Variants in TTC28 observed in about 807,000 individuals in gnomAD.
TTC28 encodes tetratricopeptide repeat protein 28.
Under a neutral mutation model 198.0 loss-of-function variants are expected in TTC28, and 61 were observed. That is an observed-to-expected ratio of 0.31 (90% confidence interval 0.25 to 0.38). The LOEUF (loss-of-function observed/expected upper bound fraction) is 0.38, where lower values mean the gene tolerates loss of function less well. Ranked by LOEUF, TTC28 falls within the 10% of genes least tolerant of loss-of-function variation. The pLI is 1.00. For synonymous variants in TTC28, 1,171 were observed against 1,297.8 expected, an observed-to-expected ratio of 0.90 and a Z score of 2.10; for missense variants, 2,678 against 3,164.0, an observed-to-expected ratio of 0.85 and a Z score of 3.69.
intron 5 of TTC28, among the ~76,000 whole-genome samples, chr22:28,172,081 A>T (rs889286716): frequency 2.8e-4 from 42 of 152,064 alleles, no homozygotes; most frequent in Non-Finnish European, 5.0e-4. Context: ...CTTCTCCACC[A>T]CCTGGCTAGG....
intron 12 of TTC28, among the ~76,000 whole-genome samples, chr22:28,082,022 G>A (rs1411373198): frequency 1.3e-5 from 2 of 152,136 alleles, no homozygotes; most frequent in Non-Finnish European, 1.5e-5. Flanking sequence ...GCTTTGGTAA[G>A]TGGGATTGTT....
intron 2 of TTC28, among the ~76,000 whole-genome samples, chr22:28,609,598 C>A (rs1253399290): frequency 6.6e-6 from 1 of 152,194 alleles, no homozygotes; most frequent in Non-Finnish European, 1.5e-5. Context: ...AGATTCCTTC[C>A]GATGCCTATG....
Position 28,537,303 on chromosome 22 carries a change from T to TACTAAAACAAAACAAAACAAAACAAAAC in TTC28, c.381+92248_381+92249insGTTTTGTTTTGTTTTGTTTTGTTTTAGT, listed in dbSNP as rs779564628. ...GCCAGACTCCGTCTCAAAAATAAAA[T>TACTAAAACAAAACAAAACAAAACAAAAC]AAAATAAAATAAAATAAAATAAAAT... On this transcript the variant is annotated intron_variant, in intron 2 of 22. Coordinates refer to ENST00000397906, the MANE Select transcript of TTC28 (RefSeq NM_001145418.2). Among the ~76,000 whole-genome samples the TACTAAAACAAAACAAAACAAAACAAAAC allele has an allele frequency of 4.5e-3, 548 of 120,702 alleles. 16 individuals are homozygous for TACTAAAACAAAACAAAACAAAACAAAAC. Among genetic ancestry groups the TACTAAAACAAAACAAAACAAAACAAAAC allele is most frequent in the Non-Finnish European group, 7.8e-3 (403 of 51,804 alleles). 79.2% of individuals were successfully genotyped at this position (120,702 alleles called of 152,430 possible).
intron 2 of TTC28, among the ~76,000 whole-genome samples, chr22:28,612,660 G>T (rs937596431): frequency 6.6e-6 from 1 of 152,066 alleles, no homozygotes; most frequent in Non-Finnish European, 1.5e-5. Context: ...AATCAAATTA[G>T]AACTCAGGAT....
intron 2 of TTC28, among the ~76,000 whole-genome samples, chr22:28,586,827 A>C (rs1445527166): frequency 6.6e-6 from 1 of 152,230 alleles, no homozygotes; most frequent in East Asian, 1.9e-4. Flanking sequence ...AATTCTTTGG[A>C]TATCTATACA....
chr22:28,151,992 G>A (rs1943619570), intron 6 of TTC28, among the ~76,000 whole-genome samples: 2 of 152,040 alleles, frequency 1.3e-5, no homozygotes, highest in African/African-American at 4.8e-5. Context: ...AAATGTGTGG[G>A]GCTCAGAGGG....
At chr22:28,562,713 A>C (rs1347699684) in intron 2 of TTC28, among the ~76,000 whole-genome samples, 1 of 152,230 alleles carries the variant, frequency 6.6e-6, no homozygotes, top group Non-Finnish European at 1.5e-5. Context: ...AACAATAGCT[A>C]AACAACCAGC....
At chr22:28,423,207 T>C (rs992775050) in intron 2 of TTC28, among the ~76,000 whole-genome samples, 4 of 152,022 alleles carry the variant, frequency 2.6e-5, no homozygotes, top group Non-Finnish European at 5.9e-5. Context: ...CTAACCAACA[T>C]GGTGAAACCC....
At chr22:28,636,338 G>C (rs1050398081) in intron 1 of TTC28, among the ~76,000 whole-genome samples, 1 of 151,890 alleles carries the variant, frequency 6.6e-6, no homozygotes, top group African/African-American at 2.4e-5. Context: ...TGTTAGCCAG[G>C]ATGGTCTCGA....
At chr22:28,222,159 C>G (rs1388689556) in intron 5 of TTC28, among the ~76,000 whole-genome samples, 1 of 152,210 alleles carries the variant, frequency 6.6e-6, no homozygotes, top group African/African-American at 2.4e-5. Flanking sequence ...ATTGATGCAG[C>G]TGAAGCCTGA....
chr22:28,339,480 C>T (rs558165423), intron 2 of TTC28, among the ~76,000 whole-genome samples: 1 of 152,198 alleles, frequency 6.6e-6, no homozygotes, highest in African/African-American at 2.4e-5. Flanking sequence ...CTATGCCCTG[C>T]CCCCAGAGGT....
chr22:28,304,211 G>C (rs949729758), intron 3 of TTC28, among the ~76,000 whole-genome samples: 1 of 151,954 alleles, frequency 6.6e-6, no homozygotes, highest in Non-Finnish European at 1.5e-5. Context: ...CGTGAACCCG[G>C]GAGGCGGAGC....
At chr22:28,402,253 C>T (rs955747768) in intron 2 of TTC28, among the ~76,000 whole-genome samples, 2 of 152,126 alleles carry the variant, frequency 1.3e-5, no homozygotes, top group Admixed American at 6.5e-5. Flanking sequence ...ATGGATGACA[C>T]GGAAAAACAA....
chr22:28,441,417 G>T (rs1198844516), intron 2 of TTC28, among the ~76,000 whole-genome samples: 1 of 151,984 alleles, frequency 6.6e-6, no homozygotes, highest in Non-Finnish European at 1.5e-5. Flanking sequence ...GGTTGGAGGT[G>T]GGGGTGGGGA....
chr22:28,132,169 T>C (rs906847287), intron 6 of TTC28, among the ~76,000 whole-genome samples: 5 of 152,340 alleles, frequency 3.3e-5, no homozygotes, highest in Admixed American at 3.3e-4. Context: ...AGTTGAGATC[T>C]TGGAGTCTAA....
At position 27,999,377 on chromosome 22, in the gene TTC28, T is replaced by TG. The variant is rs1937614314; in HGVS notation, c.4399-118dup. On this transcript the variant is annotated intron_variant, in intron 15 of 22. Coordinates refer to ENST00000397906, the MANE Select transcript of TTC28 (RefSeq NM_001145418.2). Reference sequence around the variant, plus strand: ...TCTGCTGGTTGAGCTTGAATCCACCTGTTTCCCCAGTCACCACATTCACTC... The same window carrying TG: ...TCTGCTGGTTGAGCTTGAATCCACCTGGTTTCCCCAGTCACCACATTCACTC... The TG allele has an allele frequency of 2.2e-6, 3 of 1,389,682 alleles. No homozygotes were observed. In the South Asian group the frequency reaches 4.5e-5, roughly 21 times the overall value. The allele number at this position is 1,389,682 out of a possible 1,614,324, so 86.1% of individuals were successfully genotyped here.
chr22:28,190,667 G>C (rs1334530744), intron 5 of TTC28, among the ~76,000 whole-genome samples: 3 of 152,156 alleles, frequency 2.0e-5, no homozygotes, highest in Non-Finnish European at 2.9e-5. Flanking sequence ...TGACAACTCT[G>C]ACCCATATTC....
intron 5 of TTC28, among the ~76,000 whole-genome samples, chr22:28,265,214 T>G (rs1000445468): frequency 1.3e-5 from 2 of 152,198 alleles, no homozygotes; most frequent in African/African-American, 2.4e-5. Context: ...ACTATAAGAC[T>G]GATGTACTGC....
intron 2 of TTC28, among the ~76,000 whole-genome samples, chr22:28,533,508 C>T (rs1189792275): frequency 2.6e-5 from 4 of 152,132 alleles, no homozygotes; most frequent in South Asian, 2.1e-4. Context: ...GATTCAATGC[C>T]ATCCCCATCA....
Sources: allele counts gnomAD v4.1 joint callset (sites outside exome capture counted in the v4.1 genomes callset), GRCh38; gene constraint gnomAD v4.1.1; transcripts MANE v1.5; gene names NCBI Gene and HGNC (gene_info 2026-07-23, HGNC 2026-07-21).